Variants in TENM2 observed in about 807,000 individuals in gnomAD.
The protein encoded by TENM2 is teneurin-2.
In TENM2, 52 loss-of-function variants were observed where a neutral mutation model predicts 245.2. The ratio of observed to expected loss-of-function variants is 0.21; its 90% CI spans 0.17 to 0.27. The LOEUF (loss-of-function observed/expected upper bound fraction) is 0.27, where lower values mean the gene tolerates loss of function less well. TENM2 is among the 10% of genes least tolerant of loss of function. The probability of loss-of-function intolerance (pLI) is 1.00; values close to 1 mark genes in which losing one functional copy is unlikely to be tolerated. For synonymous variants in TENM2, 1,363 were observed against 1,438.9 expected (o/e 0.95, Z 1.19); for missense variants, 3,046 against 3,666.8 (o/e 0.83, Z 4.37).
chr5:167,692,774 C>G (rs1757515730), intron 2 of TENM2, among the ~76,000 whole-genome samples: 1 of 152,176 alleles, frequency 6.6e-6, no homozygotes, highest in Non-Finnish European at 1.5e-5. Flanking sequence ...AAGTGGTGAA[C>G]TGTTGAGAGG....
intron 2 of TENM2, among the ~76,000 whole-genome samples, chr5:167,788,766 C>T (rs566375199): frequency 5.6e-4 from 86 of 152,312 alleles, no homozygotes; most frequent in Non-Finnish European, 9.6e-4. Flanking sequence ...ATTTAGGGCT[C>T]TTCCTTAGAT....
intron 3 of TENM2, among the ~76,000 whole-genome samples, chr5:167,923,265 G>A (rs1777507817): frequency 6.6e-6 from 1 of 151,850 alleles, no homozygotes; most frequent in South Asian, 2.1e-4. Flanking sequence ...GTTGCAGTGA[G>A]CTGAGATCGC....
chr5:167,821,095 T>C (rs1767487433), intron 2 of TENM2: 1 of 152,228 alleles, frequency 6.6e-6, no homozygotes, highest in Non-Finnish European at 1.5e-5. Flanking sequence ...GGACAGGCTC[T>C]GGGCATTTAG....
intron 2 of TENM2, among the ~76,000 whole-genome samples, chr5:167,758,951 C>G (rs1762484931): frequency 6.6e-6 from 1 of 151,846 alleles, no homozygotes; most frequent in African/African-American, 2.4e-5. Context: ...GCTTTTCCAC[C>G]ATACTGCTTT....
chr5:168,129,556 A>G (rs941203958), intron 12 of TENM2: 2 of 152,212 alleles, frequency 1.3e-5, no homozygotes, highest in Non-Finnish European at 2.9e-5. Flanking sequence ...GACATGTGCC[A>G]TCTCCTCATA....
the TENM2 span, among the ~76,000 whole-genome samples, chr5:167,174,175 A>G: frequency 9.9e-5 from 15 of 151,776 alleles, no homozygotes. Flanking sequence ...GTTTTCTCAC[A>G]ATGAATTTCT....
intron 2 of TENM2, among the ~76,000 whole-genome samples, chr5:167,461,707 C>A (rs933289580): frequency 6.6e-6 from 1 of 152,048 alleles, no homozygotes; most frequent in Non-Finnish European, 1.5e-5. Flanking sequence ...AATCAGCAAC[C>A]AAGGCTCTAT....
At chr5:167,657,673 T>C (rs939937775) in intron 2 of TENM2, among the ~76,000 whole-genome samples, 9 of 152,104 alleles carry the variant, frequency 5.9e-5, no homozygotes, top group African/African-American at 2.2e-4. Context: ...TTGCTAACTG[T>C]ATAGTCTCTC....
the TENM2 span, among the ~76,000 whole-genome samples, chr5:167,081,900 G>A: frequency 2.0e-5 from 3 of 152,104 alleles, no homozygotes; most frequent in South Asian, 2.1e-4. Flanking sequence ...GCCTCTTGTC[G>A]TTTCAGTTTC....
At chr5:167,003,638 C>G in the TENM2 span, among the ~76,000 whole-genome samples, 1 of 152,012 alleles carries the variant, frequency 6.6e-6, no homozygotes, top group Non-Finnish European at 1.5e-5. Flanking sequence ...TTGGTAAAGT[C>G]GAACTTTTTT....
At chr5:167,473,640 G>A (rs905179577) in intron 2 of TENM2, among the ~76,000 whole-genome samples, 4 of 152,176 alleles carry the variant, frequency 2.6e-5, no homozygotes, top group East Asian at 3.9e-4. Context: ...TGAGCAGATC[G>A]TAGAAGTGTT....
chr5:168,239,967 C>T (rs1019272446), intron 25 of TENM2, among the ~76,000 whole-genome samples: 2 of 152,034 alleles, frequency 1.3e-5, no homozygotes, highest in African/African-American at 2.4e-5. Flanking sequence ...TCTGTAATAC[C>T]AGCACTTTGA....
chr5:167,852,744 TG>T, intron 2 of TENM2, among the ~76,000 whole-genome samples: 1 of 152,244 alleles, frequency 6.6e-6, no homozygotes, highest in East Asian at 1.9e-4. Flanking sequence ...CTCTTTAACA[TG>T]GGATTTGAAG....
At chr5:167,852,998 C>G (rs972906774) in intron 2 of TENM2, among the ~76,000 whole-genome samples, 1 of 151,896 alleles carries the variant, frequency 6.6e-6, no homozygotes, top group African/African-American at 2.4e-5. Context: ...AGAAAGTGAT[C>G]GGGCTCTGCC....
chr5:167,110,861 C>T, the TENM2 span, among the ~76,000 whole-genome samples: 10 of 152,180 alleles, frequency 6.6e-5, no homozygotes, highest in African/African-American at 1.4e-4. Context: ...CTCATGCACT[C>T]ATTTTTCAGT....
At chr5:167,145,650 T>C in the TENM2 span, among the ~76,000 whole-genome samples, 1 of 152,210 alleles carries the variant, frequency 6.6e-6, no homozygotes, top group Non-Finnish European at 1.5e-5. Context: ...AACTGGGGCA[T>C]TTTCTCGTTG....
rs535436467 is a variant in TENM2, at chr5:167,924,793, C to A, written c.713-27795C>A. Among the ~76,000 whole-genome samples the A allele has an allele frequency of 2.6e-5, 4 of 152,204 alleles. No individual in the cohort carries two copies. In the South Asian group the frequency reaches 8.3e-4, roughly 32 times the overall value. ...CATATTACAAAATGTGTCTCAAGATCCTCTTTCTACCATGCCTTCAGGTAG... is the reference window on the plus strand; with the variant it reads ...CATATTACAAAATGTGTCTCAAGATACTCTTTCTACCATGCCTTCAGGTAG... On this transcript the variant is annotated intron_variant, in intron 3 of 28. Transcript: ENST00000518659.
At chr5:167,694,450 G>A (rs1757632364) in intron 2 of TENM2, among the ~76,000 whole-genome samples, 1 of 152,174 alleles carries the variant, frequency 6.6e-6, no homozygotes, top group African/African-American at 2.4e-5. Flanking sequence ...CAGGACTAGA[G>A]GTGACTCAGC....
At chr5:167,324,914 G>A (rs1459589774) in intron 1 of TENM2, among the ~76,000 whole-genome samples, 1 of 152,078 alleles carries the variant, frequency 6.6e-6, no homozygotes, top group African/African-American at 2.4e-5. Flanking sequence ...GACCGAATTC[G>A]GCTTAACCTG....
Sources: gnomAD v4.1 joint callset for allele counts (sites outside exome capture counted in the v4.1 genomes callset) on GRCh38, gnomAD v4.1.1 for gene constraint, MANE v1.5 for transcripts, NCBI Gene and HGNC (gene_info 2026-07-23, HGNC 2026-07-21) for gene names.